Variants in DUOX1 observed in about 807,000 individuals in gnomAD.
The protein encoded by DUOX1 is NADPH thyroid oxidase 1.
DUOX1 carries 134 observed loss-of-function variants against 181.8 expected under a neutral mutation model. The observed-to-expected ratio is 0.74, with a 90% CI of 0.64 to 0.85. DUOX1 has a LOEUF of 0.85. DUOX1 is among the 40% of genes least tolerant of loss of function. The probability of loss-of-function intolerance (pLI) is 0.00; values close to 1 mark genes in which losing one functional copy is unlikely to be tolerated. For synonymous variants in DUOX1, 798 were observed against 832.5 expected, an observed-to-expected ratio of 0.96 and a Z score of 0.71; for missense variants, 1,814 against 2,064.4, an observed-to-expected ratio of 0.88 and a Z score of 2.35.
intron 18 of DUOX1, 118 bp downstream of exon 18, chr15:45,145,198 A>G (rs1896619035): frequency 9.8e-7 from 1 of 1,022,848 alleles, no homozygotes; most frequent in Non-Finnish European, 1.4e-6. Flanking sequence ...AATCAAGTCT[A>G]TTGCAATTTT....
chr15:45,151,138 G>A lies in DUOX1; in HGVS notation c.2904G>A (p.Val968=). The A allele has an allele frequency of 6.2e-7, 1 of 1,614,180 alleles. No homozygotes were observed. The highest frequency in any genetic ancestry group is 8.5e-7 in the Non-Finnish European group (1 of 1,180,022). Residue 968 remains valine (V), a synonymous_variant, in exon 23 of 34, where the codon GTG becomes GTA. Transcript: ENST00000389037. The part of the protein sequence containing the change: ...SQDMICPSPR[V]SARCSRSDIE... ...CTTGTCTTAGTCCCTCTCCCAGAGTGAGTGCCCGCTGTTCCCGCAGCGACA... is the reference window on the plus strand; with the variant it reads ...CTTGTCTTAGTCCCTCTCCCAGAGTAAGTGCCCGCTGTTCCCGCAGCGACA...
At chr15:45,161,113 G>A (rs1897088710) in intron 29 of DUOX1, 123 bp downstream of exon 29, 2 of 1,440,436 alleles carry the variant, frequency 1.4e-6, no homozygotes, top group Admixed American at 2.1e-5. Context: ...TGGGTGGCAG[G>A]GACAAAGGAG....
In DUOX1 at chr15:45,142,024, G is replaced by A. The variant is rs138680195; in HGVS notation, c.1734G>A (p.Ala578=). 1.2e-5 allele frequency: 20 copies of A among 1,613,770 alleles called. No homozygotes were observed. Among genetic ancestry groups the A allele is most frequent in the South Asian group, 2.2e-5 (2 of 91,060 alleles). ...PRQLSTEGLP[A]CAPSVVRDYF... ...AGCTCAGCACTGAAGGCCTGCCAGC[G>A]TGTGCTCCCTCTGTTGTTCGTGACT... The change falls in exon 15 of 34, where the codon GCG becomes GCA. Residue 578 remains alanine (A), a synonymous_variant. Transcript: ENST00000389037.
In DUOX1 at chr15:45,135,954, C is replaced by T. The variant is rs540303293; in HGVS notation, c.864+6C>T. ...GGGTCATCGCCACCTACCAGGTCAGCCGTCCGCGCCCCGCGACGTCCTCCC... is the reference window on the plus strand; with the variant it reads ...GGGTCATCGCCACCTACCAGGTCAGTCGTCCGCGCCCCGCGACGTCCTCCC... On this transcript the variant is annotated splice_donor_region_variant and intron_variant, in intron 7 of 33. Transcript: ENST00000389037. 2.5e-4 allele frequency: 346 copies of T among 1,361,644 alleles called. 1 individual carries two copies. Among genetic ancestry groups the T allele is most frequent in the Admixed American group, 1.1e-3 (53 of 46,782 alleles). The allele number at this position is 1,361,644 out of a possible 1,614,324, so 84.3% of individuals were successfully genotyped here. A position where few individuals can be genotyped will look rare whatever the true frequency, so the allele number is the denominator to read the frequency against.
chr15:45,138,354 G>A (rs1419239219), intron 10 of DUOX1, among the ~76,000 whole-genome samples: 4 of 152,122 alleles, frequency 2.6e-5, no homozygotes, highest in African/African-American at 9.7e-5. Flanking sequence ...ACAGCTTTGG[G>A]CGTCCTGTAG....
intron 16 of DUOX1, 93 bp from the exon 17 acceptor site, chr15:45,143,943 C>T: frequency 8.1e-7 from 1 of 1,241,504 alleles, no homozygotes; most frequent in South Asian, 1.3e-5. Context: ...ACTGTGGAGG[C>T]CTTGATCTAA....
Position 45,151,258 on chromosome 15 carries a change from C to T in DUOX1, c.3014+10C>T, listed in dbSNP as rs200286854. The T allele has an allele frequency of 2.3e-5, 37 of 1,612,834 alleles. No homozygotes were observed. Among genetic ancestry groups the T allele is most frequent in the Non-Finnish European group, 3.0e-5 (35 of 1,179,384 alleles). On this transcript the variant is annotated intron_variant, in intron 23 of 33. Transcript: ENST00000389037. ...GGAGGTTTGGCAAGAAGTATGTCTG[C>T]TCTTCCCCTTAAGCCCAGGCAGTTC...
At chr15:45,152,574 C>A in intron 25 of DUOX1, 58 bp downstream of exon 25, 1 of 1,476,774 alleles carries the variant, frequency 6.8e-7, no homozygotes, top group Non-Finnish European at 9.4e-7. Flanking sequence ...GCTGACTTCC[C>A]CTCGTATGAG....
At chr15:45,154,350 G>T (rs1337307587) in intron 27 of DUOX1, among the ~76,000 whole-genome samples, 1 of 152,154 alleles carries the variant, frequency 6.6e-6, no homozygotes, top group Middle Eastern at 3.2e-3. Flanking sequence ...TAGCTTTGAG[G>T]AGTGCTGTGC....
intron 18 of DUOX1, among the ~76,000 whole-genome samples, chr15:45,145,307 G>T (rs1448564833): frequency 3.3e-5 from 5 of 152,202 alleles, no homozygotes; most frequent in African/African-American, 1.2e-4. Context: ...CCAGGAATGG[G>T]CTTCTCTGCA....
intron 12 of DUOX1, 54 bp downstream of exon 12, chr15:45,139,653 C>G: frequency 6.7e-7 from 1 of 1,493,896 alleles, no homozygotes; most frequent in Non-Finnish European, 8.9e-7. Context: ...GGCACGTGGG[C>G]CTGAGACATG....
chr15:45,162,359 C>T lies in DUOX1; in HGVS notation c.4230C>T (p.Cys1410=), dbSNP rs767955171. Residue 1410 remains cysteine, a synonymous_variant, in exon 31 of 34, where the codon TGC becomes TGT. Coordinates refer to ENST00000389037, the MANE Select transcript of DUOX1 (RefSeq NM_175940.3). ...TGGTCTTCAAGTCATCCGTCAGCTG[C>T]CAAGTGTTCTGTAAGAAGGTGAGTA... is the stretch of plus-strand genomic sequence containing the variant. ...KDLVFKSSVS[C]QVFCKKIYFI... 1 of 1,614,012 alleles carries T rather than the reference C, an allele frequency of 6.2e-7. No individual in the cohort carries two copies. The highest frequency in any genetic ancestry group is 8.5e-7 in the Non-Finnish European group (1 of 1,179,966).
chr15:45,140,119 G>A (rs763821446), intron 12 of DUOX1: 63 of 1,190,660 alleles, frequency 5.3e-5, no homozygotes, highest in Middle Eastern at 3.0e-4. Context: ...AAGGATGATG[G>A]TGCTGAACAG....
intron 21 of DUOX1, 24 bp from the exon 22 acceptor site, chr15:45,150,608 C>G (rs1167443328): frequency 6.2e-7 from 1 of 1,612,622 alleles, no homozygotes; most frequent in Middle Eastern, 1.7e-4. Context: ...CTGAGCTGCT[C>G]CCTAGCCTGG....
At chr15:45,132,961 G>C (rs1896191331) in intron 2 of DUOX1, among the ~76,000 whole-genome samples, 2 of 152,032 alleles carry the variant, frequency 1.3e-5, no homozygotes, top group Non-Finnish European at 2.9e-5. Context: ...TTTCCCCCCT[G>C]ACTCTCTGCT....
At position 45,135,246 on chromosome 15, in the gene DUOX1, C is replaced by A; in HGVS notation, c.450C>A (p.Arg150=). 2 of 1,613,242 alleles carry A rather than the reference C, an allele frequency of 1.2e-6. No homozygotes were observed. The highest frequency in any genetic ancestry group is 1.7e-6 in the Non-Finnish European group (2 of 1,179,940). The change falls in exon 5 of 34, where the codon CGC becomes CGA. Residue 150 remains arginine, a synonymous_variant. Coordinates refer to ENST00000389037, the MANE Select transcript of DUOX1 (RefSeq NM_175940.3). ...GDVVLPFQRS[R]WDPETGRSPS... is the part of the protein sequence containing the mutation. Reference sequence around the variant, plus strand: ...TGGTGCTGCCCTTCCAGAGAAGCCGCTGGGACCCCGAGACCGGACGGAGTC... The same window carrying A: ...TGGTGCTGCCCTTCCAGAGAAGCCGATGGGACCCCGAGACCGGACGGAGTC...
intron 28 of DUOX1, among the ~76,000 whole-genome samples, chr15:45,156,202 A>T (rs1052308072): frequency 2.6e-5 from 4 of 151,998 alleles, no homozygotes; most frequent in African/African-American, 9.7e-5. Context: ...CCTCCACCCC[A>T]CTTCTGCCCA....
chr15:45,157,675 TGA>T (rs1246141479), intron 28 of DUOX1, among the ~76,000 whole-genome samples: 1 of 151,870 alleles, frequency 6.6e-6, no homozygotes, highest in Non-Finnish European at 1.5e-5. Context: ...AAAAATTAGC[TGA>T]GTGTGGTGAC....
At chr15:45,151,434 T>C (rs925451739) in intron 23 of DUOX1, among the ~76,000 whole-genome samples, 186 bp downstream of exon 23, 4 of 152,188 alleles carry the variant, frequency 2.6e-5, no homozygotes, top group Non-Finnish European at 1.5e-5. Flanking sequence ...GTCCCACTGA[T>C]GACTGTTCTA....
Sources: allele counts gnomAD v4.1 joint callset (sites outside exome capture counted in the v4.1 genomes callset), GRCh38; gene constraint gnomAD v4.1.1; transcripts MANE v1.5; gene names NCBI Gene and HGNC (gene_info 2026-07-23, HGNC 2026-07-21).